Variants in UBTD1 observed in about 807,000 individuals in gnomAD.
UBTD1 encodes the protein ubiquitin domain containing 1.
A neutral mutation model predicts 21.7 loss-of-function variants in UBTD1; 19 were observed. That is an observed-to-expected ratio of 0.87 (90% CI 0.61 to 1.28). UBTD1 has a LOEUF of 1.28. UBTD1 is among the 50% of genes most tolerant of loss of function. UBTD1 has a pLI of 0.00. For synonymous variants in UBTD1, 116 were observed against 135.1 expected (o/e 0.86, Z 0.98); for missense variants, 282 against 315.1 (o/e 0.89, Z 0.80).
At chr10:97,544,318 A>T (rs1044562044) in intron 1 of UBTD1, among the ~76,000 whole-genome samples, 5 of 151,804 alleles carry the variant, frequency 3.3e-5, no homozygotes, top group Non-Finnish European at 5.9e-5. Context: ...ATCTGGAGAA[A>T]CTGCAGGAGG....
chr10:97,538,462 A>G (rs1301134399), intron 1 of UBTD1, among the ~76,000 whole-genome samples: 1 of 152,242 alleles, frequency 6.6e-6, no homozygotes, highest in Non-Finnish European at 1.5e-5. Flanking sequence ...ACATTCAAAT[A>G]TATTCAAAAT....
chr10:97,537,201 T>C (rs146669954), intron 1 of UBTD1, among the ~76,000 whole-genome samples: 41 of 152,240 alleles, frequency 2.7e-4, no homozygotes, highest in Middle Eastern at 3.4e-3. Flanking sequence ...GCAGGAATTG[T>C]GTGTTGAAAT....
intron 1 of UBTD1, among the ~76,000 whole-genome samples, chr10:97,543,348 A>G (rs915451994): frequency 6.6e-6 from 1 of 152,190 alleles, no homozygotes. Context: ...AGCTGCCTGC[A>G]TGGCCCGAGC....
chr10:97,556,675 G>T (rs986970922), intron 1 of UBTD1, among the ~76,000 whole-genome samples: 1 of 152,204 alleles, frequency 6.6e-6, no homozygotes, highest in African/African-American at 2.4e-5. Context: ...AAGTTTACCT[G>T]TTTTTATGGG....
At chr10:97,543,805 A>G (rs2040596701) in intron 1 of UBTD1, among the ~76,000 whole-genome samples, 1 of 152,156 alleles carries the variant, frequency 6.6e-6, no homozygotes, top group Non-Finnish European at 1.5e-5. Flanking sequence ...GTAATTATGA[A>G]AATTACGGGG....
At chr10:97,555,024 G>A (rs1336547086) in intron 1 of UBTD1, among the ~76,000 whole-genome samples, 3 of 152,176 alleles carry the variant, frequency 2.0e-5, no homozygotes, top group Non-Finnish European at 2.9e-5. Context: ...GCAGACAGAC[G>A]AGACCAGTAA....
At chr10:97,540,683 T>G (rs2040583238) in intron 1 of UBTD1, among the ~76,000 whole-genome samples, 1 of 152,224 alleles carries the variant, frequency 6.6e-6, no homozygotes, top group Non-Finnish European at 1.5e-5. Context: ...GAGCCAGGGT[T>G]CTCTCTCAGG....
chr10:97,525,481 C>A (rs183290165), intron 1 of UBTD1, among the ~76,000 whole-genome samples: 1 of 152,124 alleles, frequency 6.6e-6, no homozygotes, highest in African/African-American at 2.4e-5. Context: ...GGGGTATCTT[C>A]GGGAGAGAAA....
chr10:97,564,569 A>AT (rs912541262), intron 1 of UBTD1, among the ~76,000 whole-genome samples: 23 of 149,900 alleles, frequency 1.5e-4, no homozygotes, highest in African/African-American at 2.9e-4. Context: ...CCTTATTATT[A>AT]TTTTTTTTTT....
chr10:97,552,703 A>G (rs1423140418), intron 1 of UBTD1, among the ~76,000 whole-genome samples: 1 of 152,102 alleles, frequency 6.6e-6, no homozygotes, highest in African/African-American at 2.4e-5. Flanking sequence ...ACACCTGGCC[A>G]ATACATACTT....
At chr10:97,547,588 A>G (rs1416620614) in intron 1 of UBTD1, among the ~76,000 whole-genome samples, 1 of 151,998 alleles carries the variant, frequency 6.6e-6, no homozygotes, top group Non-Finnish European at 1.5e-5. Context: ...TTTTTGAAAC[A>G]GAGTCTTGCT....
chr10:97,561,343 C>T (rs574260905), intron 1 of UBTD1, among the ~76,000 whole-genome samples: 30 of 152,246 alleles, frequency 2.0e-4, no homozygotes, highest in Non-Finnish European at 3.5e-4. Flanking sequence ...GGATGAGCCA[C>T]AGACAAAACC....
intron 1 of UBTD1, among the ~76,000 whole-genome samples, chr10:97,510,328 C>T (rs2040418559): frequency 6.6e-6 from 1 of 152,178 alleles, no homozygotes; most frequent in Non-Finnish European, 1.5e-5. Flanking sequence ...AGATAGTTTT[C>T]CTTTGGTGAC....
At chr10:97,568,778 G>A (rs1416243897) in intron 2 of UBTD1, among the ~76,000 whole-genome samples, 4 of 152,178 alleles carry the variant, frequency 2.6e-5, no homozygotes, top group Non-Finnish European at 4.4e-5. Flanking sequence ...GTCTTATGGG[G>A]CCATGTAAAG....
intron 1 of UBTD1, among the ~76,000 whole-genome samples, chr10:97,502,821 A>ATATG (rs1336326409): frequency 3.4e-5 from 5 of 148,444 alleles, no homozygotes; most frequent in African/African-American, 7.5e-5. Flanking sequence ...TGTCACTCAT[A>ATATG]TGTGTGTGTG....
intron 1 of UBTD1, among the ~76,000 whole-genome samples, chr10:97,546,589 GA>G (rs397741674): frequency 2.5e-5 from 3 of 118,118 alleles, no homozygotes; most frequent in Non-Finnish European, 3.4e-5. Flanking sequence ...CCCTGTCTCA[GA>G]AAAAAAAAAA....
chr10:97,547,066 C>T (rs556842365), intron 1 of UBTD1, among the ~76,000 whole-genome samples: 8 of 152,362 alleles, frequency 5.3e-5, no homozygotes, highest in South Asian at 2.1e-4. Flanking sequence ...AGGACTCTGC[C>T]ATACTCGGGG....
chr10:97,537,491 C>T (rs1324741877), intron 1 of UBTD1, among the ~76,000 whole-genome samples: 2 of 152,222 alleles, frequency 1.3e-5, no homozygotes, highest in Admixed American at 1.3e-4. Context: ...CCTCACCTCC[C>T]CTGTCACCCT....
intron 1 of UBTD1, among the ~76,000 whole-genome samples, chr10:97,500,645 C>T (rs192681538): frequency 3.9e-5 from 6 of 152,192 alleles, no homozygotes; most frequent in African/African-American, 1.4e-4. Context: ...ACATTCCCCC[C>T]CTTCCTTTCT....
Sources: allele counts gnomAD v4.1 joint callset (sites outside exome capture counted in the v4.1 genomes callset), GRCh38; gene constraint gnomAD v4.1.1; transcripts MANE v1.5; gene names NCBI Gene and HGNC (gene_info 2026-07-23, HGNC 2026-07-21).